Variants in SLC38A2 observed in about 807,000 individuals in gnomAD.
SLC38A2 encodes the protein solute carrier family 38 member 2, also known as sodium-coupled neutral amino acid symporter 2.
SLC38A2 carries 11 observed loss-of-function variants against 61.5 expected under a neutral mutation model. The observed-to-expected ratio is 0.18, with a 90% CI of 0.11 to 0.30. The LOEUF is 0.30. Ranked by LOEUF, SLC38A2 falls within the 10% of genes least tolerant of loss-of-function variation. The pLI is 1.00. For synonymous variants in SLC38A2, 217 were observed against 212.5 expected, an observed-to-expected ratio of 1.02 and a Z score of -0.18; for missense variants, 522 against 600.4, an observed-to-expected ratio of 0.87 and a Z score of 1.36.
chr12:46,367,509 C>T, intron 4 of SLC38A2, 169 bp from the exon 5 acceptor site: 1 of 608,374 alleles, frequency 1.6e-6, no homozygotes, highest in Non-Finnish European at 3.0e-6. Context: ...GCAACACTGT[C>T]TCTTGGCTGG....
At chr12:46,371,100 T>C in intron 2 of SLC38A2, 78 bp downstream of exon 2, 2 of 1,192,768 alleles carry the variant, frequency 1.7e-6, no homozygotes, top group Non-Finnish European at 2.5e-6. Flanking sequence ...ATTAAAGCAA[T>C]GGAAGCAGAG....
Position 46,361,039 on chromosome 12 carries a change from G to A in SLC38A2, c.*72C>T. 8.5e-7 allele frequency: 1 copy of A among 1,183,304 alleles called. No individual in the cohort carries two copies. The highest frequency in any genetic ancestry group is 1.2e-6 in the Non-Finnish European group (1 of 810,734). 73.3% of individuals were successfully genotyped at this position (1,183,304 alleles called of 1,614,324 possible). A position where few individuals can be genotyped will look rare whatever the true frequency, so the allele number is the denominator to read the frequency against. ...GGAAGTGAAACTGAAAACATTAGGT[G>A]AAATTTCATAGTAGTTGAGTTTACT... On this transcript the variant is annotated 3_prime_UTR_variant, in exon 16 of 16. Coordinates refer to ENST00000256689, the MANE Select transcript of SLC38A2 (RefSeq NM_018976.5).
chr12:46,371,260 A>G lies in SLC38A2; in HGVS notation c.34T>C (p.Ser12Pro), dbSNP rs756187580. ...KKAEMGRFSI[S>P]PDEDSSSYSS... ...TAGCTGCTGCTGTCTTCATCCGGGG[A>G]AATACTGAATCGTCCCATTTCGGCC... Residue 12 changes from serine to proline, a missense_variant, in exon 2 of 16, where the codon TCC (serine) becomes CCC (proline). Around this residue, in one of 3 missense-constraint regions of SLC38A2, gnomAD observed 102 missense variants for 83.1 expected, o/e 1.23. Transcript: ENST00000256689. 1 of 1,614,184 alleles carries G rather than the reference A, an allele frequency of 6.2e-7. No homozygotes were observed. The highest frequency in any genetic ancestry group is 1.7e-4 in the Middle Eastern group (1 of 6,060).
At chr12:46,370,681 A>G in intron 3 of SLC38A2, 54 bp from the exon 4 acceptor site, 1 of 1,564,942 alleles carries the variant, frequency 6.4e-7, no homozygotes, top group Non-Finnish European at 8.8e-7. Flanking sequence ...AATGGAGAAA[A>G]CCAGCTTTGG....
chr12:46,361,296 T>TA (rs1230844547), intron 15 of SLC38A2, 87 bp from the exon 16 acceptor site: 1 of 1,007,190 alleles, frequency 9.9e-7, no homozygotes, highest in Admixed American at 2.2e-5. Flanking sequence ...GTGCTTTAAT[T>TA]ACTAAAATCT....
intron 11 of SLC38A2, 25 bp from the exon 12 acceptor site, chr12:46,363,851 AAT>A (rs1403699487): frequency 4.4e-6 from 7 of 1,587,830 alleles, no homozygotes; most frequent in Non-Finnish European, 6.0e-6. Context: ...AGAAAATTCA[AAT>A]ATATATTTCA....
intron 15 of SLC38A2, among the ~76,000 whole-genome samples, chr12:46,361,437 T>C (rs1353499950): frequency 6.6e-6 from 1 of 152,166 alleles, no homozygotes; most frequent in Non-Finnish European, 1.5e-5. Flanking sequence ...TTCATTCCTT[T>C]GTCTCAAGTG....
intron 7 of SLC38A2, 29 bp from the exon 8 acceptor site, chr12:46,365,218 A>G (rs1395026232): frequency 6.5e-6 from 10 of 1,550,300 alleles, no homozygotes; most frequent in Non-Finnish European, 7.1e-6. Context: ...AGGTCAAAAC[A>G]GTCACAAATA....
Position 46,364,683 on chromosome 12 carries a change from A to G in SLC38A2, c.666T>C (p.Ser222=), listed in dbSNP as rs1480136420. The part of the protein sequence containing the change: ...FRNLGYLGYT[S]GLSLLCMVFF... ...ACACCATACACAACAAGGAAAGGCC[A>G]CTGGTATATCCCAAATATCCTATAA... Residue 222 remains serine (S), a synonymous_variant, in exon 9 of 16, where the codon AGT becomes AGC. Coordinates refer to ENST00000256689, the MANE Select transcript of SLC38A2 (RefSeq NM_018976.5). 1.2e-6 allele frequency: 2 copies of G among 1,610,900 alleles called. No homozygotes were observed. Among genetic ancestry groups the G allele is most frequent in the Admixed American group, 3.4e-5 (2 of 59,620 alleles).
chr12:46,372,172 CTTAA>C (rs1208235732), intron 1 of SLC38A2: 1 of 152,712 alleles, frequency 6.5e-6, no homozygotes, highest in East Asian at 1.9e-4. Context: ...GCTCCCTGGA[CTTAA>C]TTTTTTTTTT....
rs1565831823 is a variant in SLC38A2 at position 46,372,765 on chromosome 12, C to CA, written c.-344_-343insT. 2.5e-6 allele frequency: 1 copy of CA among 398,196 alleles called. No individual in the cohort carries two copies. 24.7% of individuals were successfully genotyped at this position (398,196 alleles called of 1,614,324 possible). A position where few individuals can be genotyped will look rare whatever the true frequency, so the allele number is the denominator to read the frequency against. On this transcript the variant is annotated 5_prime_UTR_variant, in exon 1 of 16. Coordinates refer to ENST00000256689, the MANE Select transcript of SLC38A2 (RefSeq NM_018976.5). ...AAGGCGTTCTAAGGCGGCGGCGTCG[C>CA]GCGGCTGTGGAGCAGCCCTGCGAGC...
chr12:46,371,767 A>G (rs1444292308), intron 1 of SLC38A2: 2 of 173,630 alleles, frequency 1.2e-5, no homozygotes, highest in African/African-American at 2.4e-5. Flanking sequence ...CATGCAACCT[A>G]GGCGCACGGC....
Position 46,358,571 on chromosome 12 carries a change from C to A in SLC38A2, c.*2540G>T, listed in dbSNP as rs564648643. 4.6e-5 allele frequency: 7 copies of A among 152,470 alleles called. No homozygotes were observed. Among genetic ancestry groups the A allele is most frequent in the Non-Finnish European group, 8.8e-5 (6 of 67,994 alleles). 9.4% of individuals were successfully genotyped at this position (152,470 alleles called of 1,614,324 possible). On this transcript the variant is annotated 3_prime_UTR_variant, in exon 16 of 16. Transcript: ENST00000256689. ...CACAATTTGTCAATTTTTCAATATT[C>A]AATTTTCTGTACAGGTACTTTTGGG...
Position 46,362,564 on chromosome 12 carries a change from C to T in SLC38A2, c.1254G>A (p.Val418=). ...FSWWRHSLIT[V]SILAFTNLLV... is the part of the protein sequence containing the mutation. Reference sequence around the variant, plus strand: ...GTAAATTGGTAAATGCCAAGATAGACACTGTAATGAGACTATGACGCCACC... The same window carrying T: ...GTAAATTGGTAAATGCCAAGATAGATACTGTAATGAGACTATGACGCCACC... The change falls in exon 14 of 16, where the codon GTG becomes GTA. Residue 418 remains valine, a synonymous_variant. Coordinates refer to ENST00000256689, the MANE Select transcript of SLC38A2 (RefSeq NM_018976.5). 1 of 1,603,050 alleles carries T rather than the reference C, an allele frequency of 6.2e-7. No individual in the cohort carries two copies. The highest frequency in any genetic ancestry group is 8.5e-7 in the Non-Finnish European group (1 of 1,177,358).
chr12:46,360,580 A>T lies in SLC38A2; in HGVS notation c.*531T>A, dbSNP rs1220590335. The T allele has an allele frequency of 6.6e-6, 1 of 152,412 alleles. No homozygotes were observed. The highest frequency in any genetic ancestry group is 1.5e-5 in the Non-Finnish European group (1 of 68,058). 9.4% of individuals were successfully genotyped at this position (152,412 alleles called of 1,614,324 possible). On this transcript the variant is annotated 3_prime_UTR_variant, in exon 16 of 16. Transcript: ENST00000256689. ...AAATACCAATGACATTATTTTATGGAATTTATTGATAACTGCTTCTGAATA... is the reference window on the plus strand; with the variant it reads ...AAATACCAATGACATTATTTTATGGTATTTATTGATAACTGCTTCTGAATA...
intron 7 of SLC38A2, among the ~76,000 whole-genome samples, chr12:46,366,528 A>C (rs1428817245): frequency 1.3e-5 from 2 of 152,174 alleles, no homozygotes; most frequent in Admixed American, 1.3e-4. Context: ...AGACGGATTA[A>C]TTTTTAATGT....
Position 46,363,982 on chromosome 12 carries a change from G to C in SLC38A2, c.895C>G (p.Leu299Val). ...NSQTVYAVPI[L>V]IFSFVCHPAV... ...GGATGACAGACAAATGAAAAGATCA[G>C]AATTGGCACAGCATAGACAGTCTGA... Residue 299 changes from leucine (L) to valine (V), a missense_variant, in exon 11 of 16, where the codon CTG becomes GTG. By Grantham distance (32) the Leu-to-Val change is conservative. Around this residue, in one of 3 missense-constraint regions of SLC38A2, gnomAD observed 309 missense variants for 343.9 expected, o/e 0.90. Coordinates refer to ENST00000256689, the MANE Select transcript of SLC38A2 (RefSeq NM_018976.5). The C allele has an allele frequency of 6.2e-7, 1 of 1,611,870 alleles. No homozygotes were observed. Among genetic ancestry groups the C allele is most frequent in the South Asian group, 1.1e-5 (1 of 90,820 alleles).
In SLC38A2 at chr12:46,367,096, A is replaced by G; in HGVS notation, c.461T>C (p.Ile154Thr). The part of the protein sequence containing the change: ...LVGKLAASGS[I>T]TMQNIGAMSS... ...CTTACCTCCAATGTTCTGCATTGTA[A>G]TTGATCCAGATGCTGCAAGCTTTCC... The change falls in exon 6 of 16, where the codon ATT becomes ACT. Residue 154 changes from isoleucine (I) to threonine (T), a missense_variant. Ile to Thr is a moderately conservative substitution (Grantham distance 89). This residue lies in a region of SLC38A2 where 111 missense variants were observed against 173.4 expected (regional missense o/e 0.64). Transcript: ENST00000256689. 1 of 1,614,118 alleles carries G rather than the reference A, an allele frequency of 6.2e-7. No individual in the cohort carries two copies. The highest frequency in any genetic ancestry group is 8.5e-7 in the Non-Finnish European group (1 of 1,179,970).
chr12:46,358,975 G>C lies in SLC38A2; in HGVS notation c.*2136C>G, dbSNP rs572530583. ...CCATTGGAATTTTCCCTAGGCACTT[G>C]ATTTTGAACCTTAAATAGCCAGAGG... On this transcript the variant is annotated 3_prime_UTR_variant, in exon 16 of 16. Coordinates refer to ENST00000256689, the MANE Select transcript of SLC38A2 (RefSeq NM_018976.5). 6.6e-6 allele frequency: 1 copy of C among 152,194 alleles called. No individual in the cohort carries two copies. Among genetic ancestry groups the C allele is most frequent in the Admixed American group, 6.6e-5 (1 of 15,224 alleles). The allele number at this position is 152,194 out of a possible 1,614,324, so 9.4% of individuals were successfully genotyped here.
Sources: allele counts gnomAD v4.1 joint callset (sites outside exome capture counted in the v4.1 genomes callset), GRCh38; gene constraint gnomAD v4.1.1; regional missense constraint gnomAD v4.1.1; transcripts MANE v1.5; gene names NCBI Gene and HGNC (gene_info 2026-07-23, HGNC 2026-07-21).